Variants in RANBP17 observed in about 807,000 individuals in gnomAD.
The protein encoded by RANBP17 is ran-binding protein 17.
A neutral mutation model predicts 141.2 loss-of-function variants in RANBP17; 158 were observed. That is an observed-to-expected ratio of 1.12 (90% confidence interval 0.98 to 1.28). The LOEUF (loss-of-function observed/expected upper bound fraction) is 1.28, where lower values mean the gene tolerates loss of function less well. RANBP17 is among the 50% of genes most tolerant of loss of function. The pLI is 0.00. For missense variants in RANBP17, 1,438 were observed against 1,290.7 expected (o/e 1.11, Z -1.75); for synonymous variants, 430 against 450.0 (o/e 0.96, Z 0.56).
rs376015082 is a variant in RANBP17 at position 171,270,245 on chromosome 5, C to T, written c.2943+4398C>T. Among the ~76,000 whole-genome samples, 31 of 152,306 alleles carry T rather than the reference C, an allele frequency of 2.0e-4. No homozygotes were observed. The East Asian group carries it at 2.1e-3, about 10-fold the overall frequency. ...TTTTTAAAAATGTTCTCCAAATAAT[C>T]CATTTTTCATATTTTGCAAACAACT... is the stretch of plus-strand genomic sequence containing the variant. On this transcript the variant is annotated intron_variant, in intron 25 of 27. Transcript: ENST00000523189.
intron 14 of RANBP17, among the ~76,000 whole-genome samples, chr5:170,975,651 T>G (rs1777312643): frequency 6.6e-6 from 1 of 152,212 alleles, no homozygotes; most frequent in Non-Finnish European, 1.5e-5. Flanking sequence ...TAAGGGCACC[T>G]TTTATAAGGG....
Position 170,950,388 on chromosome 5 carries a change from C to CA in RANBP17, c.1469-3199dup, listed in dbSNP as rs779896311. ...CAAATAACAGTAAAAAAAACAAAAA[C>CA]AAAAAAAAAATAACTCAAATAAGTG... On this transcript the variant is annotated intron_variant, in intron 12 of 27. Coordinates refer to ENST00000523189, the MANE Select transcript of RANBP17 (RefSeq NM_022897.5). Among the ~76,000 whole-genome samples, 1,157 of 145,528 alleles carry CA rather than the reference C, an allele frequency of 8.0e-3. 2 individuals are homozygous for CA. Among genetic ancestry groups the CA allele is most frequent in the Middle Eastern group, 0.035 (10 of 288 alleles).
At chr5:171,138,172 A>G (rs1463304335) in intron 14 of RANBP17, among the ~76,000 whole-genome samples, 2 of 152,160 alleles carry the variant, frequency 1.3e-5, no homozygotes, top group African/African-American at 4.8e-5. Flanking sequence ...TTTGGAGCCT[A>G]GAAAGCTGGA....
chr5:170,872,718 C>A (rs1197018976), intron 1 of RANBP17, among the ~76,000 whole-genome samples: 1 of 152,006 alleles, frequency 6.6e-6, no homozygotes, highest in Non-Finnish European at 1.5e-5. Flanking sequence ...TTTTAACATG[C>A]AGGGTTGTTG....
Position 171,240,840 on chromosome 5 carries a change from C to T in RANBP17, c.2423-88C>T, listed in dbSNP as rs1440167643. On this transcript the variant is annotated intron_variant, in intron 22 of 27. Coordinates refer to ENST00000523189, the MANE Select transcript of RANBP17 (RefSeq NM_022897.5). ...TATGCTGGGAGGAAGTGAACATTAG[C>T]AGTAAAGTAAAAATGTTAAATAGTG... The T allele has an allele frequency of 2.8e-5, 21 of 753,698 alleles. No homozygotes were observed. In the East Asian group the frequency reaches 5.2e-4, roughly 19 times the overall value. 46.7% of individuals were successfully genotyped at this position (753,698 alleles called of 1,614,324 possible).
At chr5:171,121,435 G>T (rs1756023408) in intron 14 of RANBP17, among the ~76,000 whole-genome samples, 1 of 152,210 alleles carries the variant, frequency 6.6e-6, no homozygotes, top group African/African-American at 2.4e-5. Flanking sequence ...CAGGCACAGG[G>T]CCGTCGCGCA....
At chr5:170,960,350 A>G (rs1776040711) in intron 13 of RANBP17, among the ~76,000 whole-genome samples, 1 of 152,130 alleles carries the variant, frequency 6.6e-6, no homozygotes, top group Admixed American at 6.5e-5. Flanking sequence ...ACTTCTAAAC[A>G]CCTATTGGGC....
chr5:170,989,551 A>G (rs991086844), intron 14 of RANBP17, among the ~76,000 whole-genome samples: 2 of 151,842 alleles, frequency 1.3e-5, no homozygotes, highest in Non-Finnish European at 3.0e-5. Flanking sequence ...AATCACTTCT[A>G]TACTAATATG....
chr5:171,122,503 G>A (rs939695887), intron 14 of RANBP17, among the ~76,000 whole-genome samples: 16 of 152,312 alleles, frequency 1.1e-4, no homozygotes, highest in Middle Eastern at 3.4e-3. Flanking sequence ...CTGGAATTTA[G>A]CACAGAAGTG....
At chr5:171,091,896 C>G (rs2127729541) in intron 14 of RANBP17, among the ~76,000 whole-genome samples, 1 of 152,238 alleles carries the variant, frequency 6.6e-6, no homozygotes, top group Non-Finnish European at 1.5e-5. Context: ...TTGGGTATGT[C>G]TTTATCAATA....
Position 171,281,243 on chromosome 5 carries a change from A to G in RANBP17, c.2944-12640A>G, listed in dbSNP as rs532609396. On this transcript the variant is annotated intron_variant, in intron 25 of 27. Coordinates refer to ENST00000523189, the MANE Select transcript of RANBP17 (RefSeq NM_022897.5). ...GAGATCCTGTAAACAAAAAATGTCA[A>G]GTAAACTCCCAAGAAAGACAGTGAT... Among the ~76,000 whole-genome samples the G allele has an allele frequency of 2.0e-5, 3 of 152,344 alleles. No individual in the cohort carries two copies. In the South Asian group the frequency reaches 6.2e-4, roughly 32 times the overall value.
Position 171,242,719 on chromosome 5 carries a change from T to C in RANBP17, c.2675T>C (p.Leu892Pro), listed in dbSNP as rs1474887063. ...CTGAGCCAGTCTTATTATCCACTCC[T>C]GGAATGTCTCACTCAGGACCATATG... Reference protein sequence around the residue: ...RKLSQSYYPLLECLTQDHMSF... With the variant: ...RKLSQSYYPLPECLTQDHMSF... Residue 892 changes from leucine to proline, a missense_variant, in exon 24 of 28, where the codon CTG becomes CCG. Physicochemically the swap from Leu to Pro is moderately conservative, Grantham distance 98 (BLOSUM62 -3). Coordinates refer to ENST00000523189, the MANE Select transcript of RANBP17 (RefSeq NM_022897.5). The C allele has an allele frequency of 1.9e-6, 3 of 1,613,792 alleles. No homozygotes were observed. Among genetic ancestry groups the C allele is most frequent in the African/African-American group, 2.7e-5 (2 of 74,926 alleles).
At chr5:171,045,755 C>T (rs944308136) in intron 14 of RANBP17, among the ~76,000 whole-genome samples, 1 of 152,034 alleles carries the variant, frequency 6.6e-6, no homozygotes, top group Non-Finnish European at 1.5e-5. Context: ...TCTGTTTTAA[C>T]CCAAGTATAT....
At position 171,183,344 on chromosome 5, in the gene RANBP17, G is replaced by A. The variant is rs1173206098; in HGVS notation, c.1952G>A (p.Gly651Asp). 4 of 1,613,726 alleles carry A rather than the reference G, an allele frequency of 2.5e-6. No individual in the cohort carries two copies. Among genetic ancestry groups the A allele is most frequent in the Non-Finnish European group, 3.4e-6 (4 of 1,179,816 alleles). ...TAGAGTGAACACTTCCCTTTTCTTG[G>A]CATCAGTGACAATCATAGTCTCAGC... ...NHTSEHFPFL[G>D]ISDNHSLSDF... The change falls in exon 18 of 28, where the codon GGC (glycine) becomes GAC (aspartate). Residue 651 changes from glycine (G) to aspartate (D), a missense_variant. Coordinates refer to ENST00000523189, the MANE Select transcript of RANBP17 (RefSeq NM_022897.5).
chr5:170,909,684 A>C lies in RANBP17; in HGVS notation c.513A>C (p.Ala171=). Residue 171 remains alanine (A), a synonymous_variant, in exon 6 of 28, where the codon GCA becomes GCC. Transcript: ENST00000523189. ...MNLVDYSRPS[A]KHRKIATSFR... ...AGGTTGATTATTCTAGACCTTCAGC[A>C]AAACACAGGAAAATAGCTACCTCAT... The C allele has an allele frequency of 6.3e-7, 1 of 1,589,300 alleles. No homozygotes were observed. Among genetic ancestry groups the C allele is most frequent in the Non-Finnish European group, 8.6e-7 (1 of 1,161,386 alleles).
chr5:171,062,654 C>T (rs893498106), intron 14 of RANBP17, among the ~76,000 whole-genome samples: 17 of 152,020 alleles, frequency 1.1e-4, no homozygotes, highest in African/African-American at 4.8e-5. Context: ...TTGCTCTTCT[C>T]GAGGGGTATC....
At chr5:171,275,089 G>A (rs1767405369) in intron 25 of RANBP17, among the ~76,000 whole-genome samples, 1 of 152,116 alleles carries the variant, frequency 6.6e-6, no homozygotes. Flanking sequence ...TCCACCAGAT[G>A]TACCCAAACC....
At chr5:171,222,735 A>G (rs761598081) in intron 22 of RANBP17, among the ~76,000 whole-genome samples, 1 of 152,126 alleles carries the variant, frequency 6.6e-6, no homozygotes, top group African/African-American at 2.4e-5. Flanking sequence ...GGCTCAGGTG[A>G]TCCTCCCACC....
intron 21 of RANBP17, among the ~76,000 whole-genome samples, chr5:171,221,470 G>A (rs1318627429): frequency 6.6e-6 from 1 of 152,100 alleles, no homozygotes; most frequent in African/African-American, 2.4e-5. Context: ...ATGAAAGAAG[G>A]GGCAAGAAAT....
Sources: gnomAD v4.1 joint callset for allele counts (sites outside exome capture counted in the v4.1 genomes callset) on GRCh38, gnomAD v4.1.1 for gene constraint, MANE v1.5 for transcripts, NCBI Gene and HGNC (gene_info 2026-07-23, HGNC 2026-07-21) for gene names.